Variants in CERS6 observed in about 807,000 individuals in gnomAD.
The protein encoded by CERS6 is LAG1 homolog, ceramide synthase 6.
CERS6 carries 26 observed loss-of-function variants against 56.8 expected under a neutral mutation model. That is an observed-to-expected ratio of 0.46 (90% CI 0.34 to 0.63). The LOEUF is 0.63. Ranked by LOEUF, CERS6 falls within the 30% of genes least tolerant of loss-of-function variation. CERS6 has a pLI of 0.01. For missense variants in CERS6, 415 were observed against 467.5 expected (o/e 0.89, Z 1.04); for synonymous variants, 164 against 173.3 (o/e 0.95, Z 0.42).
Position 168,497,186 on chromosome 2 carries a change from A to G in CERS6, c.170+40568A>G, listed in dbSNP as rs533621020. On this transcript the variant is annotated intron_variant, in intron 1 of 9. Coordinates refer to ENST00000305747, the MANE Select transcript of CERS6 (RefSeq NM_203463.3). The stretch of plus-strand genomic sequence containing the variant: ...AAAGAAAGTGTGGTAGACAGAAGGG[A>G]TATTCAAAGTATAATGGTGGTGACT... Among the ~76,000 whole-genome samples the G allele has an allele frequency of 9.8e-5, 15 of 152,314 alleles. No homozygotes were observed. The Middle Eastern group carries it at 0.01, about 104-fold the overall frequency.
At position 168,629,695 on chromosome 2, in the gene CERS6, G is replaced by A. The variant is rs566028252; in HGVS notation, c.408-1290G>A. Among the ~76,000 whole-genome samples, 14 of 152,272 alleles carry A rather than the reference G, an allele frequency of 9.2e-5. 1 individual carries two copies. In the South Asian group the frequency reaches 1.0e-3, roughly 11 times the overall value. On this transcript the variant is annotated intron_variant, in intron 3 of 9. Coordinates refer to ENST00000305747, the MANE Select transcript of CERS6 (RefSeq NM_203463.3). ...ACTGCCTAAGTCACACACCCATGAA[G>A]ATATCCCTGGTTTTAATTTTTGATC... is the stretch of plus-strand genomic sequence containing the variant.
chr2:168,543,970 A>G (rs1276450358), intron 1 of CERS6, among the ~76,000 whole-genome samples: 1 of 152,182 alleles, frequency 6.6e-6, no homozygotes, highest in Non-Finnish European at 1.5e-5. Flanking sequence ...CCCCTTTGGA[A>G]AAGATAGTAA....
At chr2:168,582,944 A>G (rs1683452645) in intron 3 of CERS6, 1 of 154,388 alleles carries the variant, frequency 6.5e-6, no homozygotes, top group Non-Finnish European at 1.5e-5. Flanking sequence ...AGATTAGCCT[A>G]TATTGTTGTC....
chr2:168,731,655 C>G (rs1683537652), intron 8 of CERS6, among the ~76,000 whole-genome samples: 1 of 152,056 alleles, frequency 6.6e-6, no homozygotes, highest in Non-Finnish European at 1.5e-5. Flanking sequence ...CTTGCCCCTT[C>G]CATGCAGTCA....
At position 168,694,827 on chromosome 2, in the gene CERS6, G is replaced by C. The variant is rs981844360; in HGVS notation, c.517-132G>C. On this transcript the variant is annotated intron_variant, in intron 5 of 9. Coordinates refer to ENST00000305747, the MANE Select transcript of CERS6 (RefSeq NM_203463.3). ...CTCAAAGCCCCATCATCTACAAAAA[G>C]AATAGGACAGGAACTGCCTTTGTGC... 5 of 663,842 alleles carry C rather than the reference G, an allele frequency of 7.5e-6. No homozygotes were observed. In the Admixed American group the frequency reaches 1.3e-4, roughly 17 times the overall value. 41.1% of individuals were successfully genotyped at this position (663,842 alleles called of 1,614,324 possible).
intron 4 of CERS6, among the ~76,000 whole-genome samples, chr2:168,654,914 A>G (rs973877196): frequency 2.0e-5 from 3 of 152,326 alleles, no homozygotes; most frequent in East Asian, 3.9e-4. Flanking sequence ...TCTTCTTTAT[A>G]CATCTCATGT....
chr2:168,583,765 A>C (rs138769573), intron 3 of CERS6, among the ~76,000 whole-genome samples: 1 of 152,300 alleles, frequency 6.6e-6, no homozygotes, highest in Non-Finnish European at 1.5e-5. Context: ...TCCTGCTCTG[A>C]TGTATCATTA....
At chr2:168,732,171 T>G (rs574960560) in intron 8 of CERS6, among the ~76,000 whole-genome samples, 1 of 152,266 alleles carries the variant, frequency 6.6e-6, no homozygotes, top group South Asian at 2.1e-4. Context: ...ATTAAAAAAT[T>G]TAAGTAGATG....
intron 6 of CERS6, among the ~76,000 whole-genome samples, chr2:168,713,100 T>C (rs1687134942): frequency 6.6e-6 from 1 of 152,208 alleles, no homozygotes; most frequent in Non-Finnish European, 1.5e-5. Flanking sequence ...GTTTGCTTAC[T>C]TATTCATCCT....
At chr2:168,620,389 C>T (rs1684440640) in intron 3 of CERS6, among the ~76,000 whole-genome samples, 1 of 151,830 alleles carries the variant, frequency 6.6e-6, no homozygotes, top group Admixed American at 6.6e-5. Flanking sequence ...ACTCATGTAA[C>T]CAAATAACAC....
intron 8 of CERS6, among the ~76,000 whole-genome samples, chr2:168,738,986 A>T (rs746393186): frequency 1.7e-4 from 26 of 151,448 alleles, no homozygotes; most frequent in Non-Finnish European, 3.1e-4. Context: ...CCCGGCTTCA[A>T]GCAATTCTTC....
intron 1 of CERS6, among the ~76,000 whole-genome samples, chr2:168,487,126 C>T (rs1289719519): frequency 1.3e-5 from 2 of 152,168 alleles, no homozygotes; most frequent in Non-Finnish European, 2.9e-5. Flanking sequence ...AATCACATCA[C>T]AAAATGTATG....
chr2:168,733,631 G>A (rs1021957137), intron 8 of CERS6, among the ~76,000 whole-genome samples: 1 of 152,188 alleles, frequency 6.6e-6, no homozygotes, highest in African/African-American at 2.4e-5. Context: ...CAGTAGACGA[G>A]TATATAAAGT....
intron 4 of CERS6, among the ~76,000 whole-genome samples, chr2:168,681,973 C>T (rs897994898): frequency 6.6e-6 from 1 of 152,120 alleles, no homozygotes; most frequent in Non-Finnish European, 1.5e-5. Flanking sequence ...GGATTTCATT[C>T]CTTTATATGA....
At chr2:168,607,311 A>G (rs1684075300) in intron 3 of CERS6, among the ~76,000 whole-genome samples, 1 of 152,142 alleles carries the variant, frequency 6.6e-6, no homozygotes, top group Non-Finnish European at 1.5e-5. Flanking sequence ...ATTATAAGAG[A>G]TAATTCATTA....
At chr2:168,486,524 G>GTTTTT (rs760111727) in intron 1 of CERS6, among the ~76,000 whole-genome samples, 1 of 120,110 alleles carries the variant, frequency 8.3e-6, no homozygotes, top group African/African-American at 3.3e-5. Context: ...ATTTGGTTTT[G>GTTTTT]TTTTTTTTTT....
rs1220970503 is a variant in CERS6, at chr2:168,502,053, G to GTCCCA, written c.170+45435_170+45436insTCCCA. On this transcript the variant is annotated intron_variant, in intron 1 of 9. Transcript: ENST00000305747. Reference sequence around the variant, plus strand: ...CTGGGGAGTGAGAATTGGCCTGGAGGGGGCTTTAGGGACTTACCTGGGTTG... The same window carrying GTCCCA: ...CTGGGGAGTGAGAATTGGCCTGGAGGTCCCAGGGCTTTAGGGACTTACCTGGGTTG... Among the ~76,000 whole-genome samples, 205 of 152,238 alleles carry GTCCCA rather than the reference G, an allele frequency of 1.3e-3. No individual in the cohort carries two copies. The Middle Eastern group carries it at 0.014, about 10-fold the overall frequency.
rs996484812 is a variant in CERS6 at position 168,751,829 on chromosome 2, A to G, written c.846-13763A>G. 3.9e-5 allele frequency among the ~76,000 whole-genome samples: 6 copies of G among 152,316 alleles called. No individual in the cohort carries two copies. In the East Asian group the frequency reaches 1.2e-3, roughly 29 times the overall value. ...ACTTCTCCTTTAACTACTGCCTTGC[A>G]GGTACCCATTCCAGCTATGCATGAT... On this transcript the variant is annotated intron_variant, in intron 8 of 9. Coordinates refer to ENST00000305747, the MANE Select transcript of CERS6 (RefSeq NM_203463.3).
At chr2:168,607,052 A>G (rs902631990) in intron 3 of CERS6, among the ~76,000 whole-genome samples, 1 of 152,214 alleles carries the variant, frequency 6.6e-6, no homozygotes, top group Non-Finnish European at 1.5e-5. Context: ...TAAATTACCC[A>G]GTCTCAGTCA....
Sources: allele counts gnomAD v4.1 joint callset (sites outside exome capture counted in the v4.1 genomes callset), GRCh38; gene constraint gnomAD v4.1.1; transcripts MANE v1.5; gene names NCBI Gene and HGNC (gene_info 2026-07-23, HGNC 2026-07-21).